Variants in POLK observed in about 807,000 individuals in gnomAD.
POLK encodes the protein polymerase (DNA directed) kappa.
A neutral mutation model predicts 94.0 loss-of-function variants in POLK; 76 were observed. The observed-to-expected ratio is 0.81, with a 90% CI of 0.67 to 0.98. The LOEUF (loss-of-function observed/expected upper bound fraction) is 0.98, where lower values mean the gene tolerates loss of function less well. POLK is among the 50% of genes least tolerant of loss of function. The pLI is 0.00. For missense variants in POLK, 954 were observed against 1,010.1 expected (o/e 0.94, Z 0.75); for synonymous variants, 349 against 325.4 (o/e 1.07, Z -0.78).
chr5:75,589,151 T>C (rs5744691), intron 10 of POLK, among the ~76,000 whole-genome samples: 3,575 of 152,118 alleles, frequency 0.024, 136 homozygotes, highest in African/African-American at 0.082. Flanking sequence ...GCATTTTTTA[T>C]GATAGAAAAA....
At chr5:75,569,040 G>A (rs947095108) in intron 3 of POLK, among the ~76,000 whole-genome samples, 1 of 152,012 alleles carries the variant, frequency 6.6e-6, no homozygotes, top group Non-Finnish European at 1.5e-5. Context: ...TTATATTTGA[G>A]GATAGGCTGT....
chr5:75,608,883 G>C, the POLK span: 17 of 152,286 alleles, frequency 1.1e-4, no homozygotes, highest in African/African-American at 4.1e-4. Context: ...ATGTGGGCAA[G>C]CTTTTATGTA....
intron 1 of POLK, among the ~76,000 whole-genome samples, chr5:75,530,930 C>T (rs1348302556): frequency 2.0e-5 from 3 of 151,344 alleles, no homozygotes; most frequent in South Asian, 2.1e-4. Flanking sequence ...CTTAGCCTTG[C>T]GAGTAGCTGG....
At chr5:75,563,791 G>C (rs1771119491) in intron 3 of POLK, among the ~76,000 whole-genome samples, 1 of 152,180 alleles carries the variant, frequency 6.6e-6, no homozygotes, top group African/African-American at 2.4e-5. Flanking sequence ...TTTTGCATTT[G>C]CTGAGGAGTG....
chr5:75,541,092 T>C (rs932635792), intron 1 of POLK, among the ~76,000 whole-genome samples: 1 of 152,060 alleles, frequency 6.6e-6, no homozygotes, highest in Admixed American at 6.6e-5. Flanking sequence ...GAGATCAGCC[T>C]GAACAACATG....
the POLK span, chr5:75,609,714 CT>C: frequency 6.6e-6 from 1 of 152,106 alleles, no homozygotes; most frequent in Non-Finnish European, 1.5e-5. Flanking sequence ...TATCATATCT[CT>C]ATTACAAACA....
At chr5:75,554,519 A>T (rs1581005247) in intron 3 of POLK, among the ~76,000 whole-genome samples, 1 of 151,712 alleles carries the variant, frequency 6.6e-6, no homozygotes, top group East Asian at 1.9e-4. Flanking sequence ...TTTAACTTTT[A>T]AGTTCAGGGG....
chr5:75,581,046 T>C (rs1265049427), intron 6 of POLK, among the ~76,000 whole-genome samples, 163 bp from the exon 7 acceptor site: 1 of 152,154 alleles, frequency 6.6e-6, no homozygotes, highest in Non-Finnish European at 1.5e-5. Context: ...TTAATGGTTA[T>C]AAAACATTAA....
chr5:75,583,507 A>G (rs780543698), intron 8 of POLK, 90 bp downstream of exon 8: 3 of 708,104 alleles, frequency 4.2e-6, no homozygotes, highest in Middle Eastern at 4.4e-4. Flanking sequence ...TCTTTGCTTA[A>G]AAGTTTTAAA....
At chr5:75,585,001 C>T in intron 9 of POLK, 75 bp downstream of exon 9, 4 of 886,466 alleles carry the variant, frequency 4.5e-6, no homozygotes, top group Admixed American at 4.8e-5. Flanking sequence ...TGAGATGAGG[C>T]TATATGGATA....
rs764924536 is a variant in POLK at position 75,511,866 on chromosome 5, T to C, written c.-62T>C. On this transcript the variant is annotated 5_prime_UTR_variant, in exon 1 of 15. Coordinates refer to ENST00000241436, the Ensembl canonical transcript of POLK. ...GCATTCTGGGAAGGGCGTTGGTCCG[T>C]CGCTCGCGCAGCCTCCTGGGAGTTG... 6 of 1,526,356 alleles carry C rather than the reference T, an allele frequency of 3.9e-6. No individual in the cohort carries two copies. The South Asian group carries it at 6.1e-5, about 15-fold the overall frequency. The allele number at this position is 1,526,356 out of a possible 1,614,324, so 94.6% of individuals were successfully genotyped here.
chr5:75,599,591 C>T, exon 15 of POLK: 1 of 152,014 alleles, frequency 6.6e-6, no homozygotes. Flanking sequence ...GTGTGATTTA[C>T]TTATGTAAAT....
intron 1 of POLK, among the ~76,000 whole-genome samples, chr5:75,516,863 G>A (rs868620892): frequency 1.4e-4 from 21 of 152,238 alleles, no homozygotes; most frequent in Middle Eastern, 3.4e-3. Flanking sequence ...TCTGCATGTG[G>A]TTATCCAGTT....
At chr5:75,570,195 T>C (rs1423512902) in intron 4 of POLK, among the ~76,000 whole-genome samples, 1 of 152,214 alleles carries the variant, frequency 6.6e-6, no homozygotes, top group Non-Finnish European at 1.5e-5. Context: ...CTAGTTTTTA[T>C]TTCCATTTGG....
At chr5:75,514,144 C>A (rs906394626) in intron 1 of POLK, among the ~76,000 whole-genome samples, 1 of 152,018 alleles carries the variant, frequency 6.6e-6, no homozygotes, top group African/African-American at 2.4e-5. Context: ...TTATTAAGAT[C>A]TTGCTATATG....
At chr5:75,537,447 G>C (rs953122131) in intron 1 of POLK, among the ~76,000 whole-genome samples, 1 of 152,178 alleles carries the variant, frequency 6.6e-6, no homozygotes, top group African/African-American at 2.4e-5. Flanking sequence ...TCATTCCTCC[G>C]TGCTCTCTGT....
intron 3 of POLK, among the ~76,000 whole-genome samples, chr5:75,556,248 A>G (rs1458834655): frequency 6.6e-6 from 1 of 152,048 alleles, no homozygotes; most frequent in Non-Finnish European, 1.5e-5. Context: ...TTTAATTTGC[A>G]TTTCCCTGAT....
chr5:75,529,003 T>G (rs1769011436), intron 1 of POLK, among the ~76,000 whole-genome samples: 2 of 152,202 alleles, frequency 1.3e-5, no homozygotes, highest in Non-Finnish European at 2.9e-5. Flanking sequence ...CATATAACCT[T>G]TATATAGTAT....
At chr5:75,559,533 T>G (rs1322496645) in intron 3 of POLK, among the ~76,000 whole-genome samples, 10 of 133,756 alleles carry the variant, frequency 7.5e-5, no homozygotes, top group East Asian at 2.1e-4. Flanking sequence ...GTTTTTTTTT[T>G]TTTTTTTTTT....
Sources: allele counts gnomAD v4.1 joint callset (sites outside exome capture counted in the v4.1 genomes callset), GRCh38; gene constraint gnomAD v4.1.1; transcripts MANE v1.5; gene names NCBI Gene and HGNC (gene_info 2026-07-23, HGNC 2026-07-21).